The following SCAF8 variants were observed in gnomAD, a reference collection of about 807,000 sequenced individuals.
SCAF8 encodes SR-related and CTD-associated factor 8.
In SCAF8, 23 loss-of-function variants were observed where a neutral mutation model predicts 140.5. The ratio of observed to expected loss-of-function variants is 0.16; its 90% CI spans 0.12 to 0.23. SCAF8 has a LOEUF of 0.23. SCAF8 is among the 10% of genes least tolerant of loss of function. The pLI is 1.00. For missense variants in SCAF8, 1,397 were observed against 1,555.7 expected (o/e 0.90, Z 1.72); for synonymous variants, 575 against 528.9 (o/e 1.09, Z -1.20).
chr6:154,819,834 C>G (rs554211128), intron 14 of SCAF8, among the ~76,000 whole-genome samples: 5 of 152,114 alleles, frequency 3.3e-5, no homozygotes, highest in African/African-American at 9.6e-5. Context: ...CTAAAAAATA[C>G]AAAAATTAGT....
intron 15 of SCAF8, among the ~76,000 whole-genome samples, chr6:154,821,299 G>A (rs1373075788): frequency 6.7e-6 from 1 of 149,948 alleles, no homozygotes; most frequent in African/African-American, 2.4e-5. Flanking sequence ...TGTAAATAAA[G>A]TTTTATTGAA....
intron 15 of SCAF8, 121 bp from the exon 16 acceptor site, chr6:154,822,155 G>T: frequency 9.9e-7 from 1 of 1,006,490 alleles, no homozygotes. Flanking sequence ...TACGGTTGTG[G>T]ATATATCTTA....
intron 1 of SCAF8, among the ~76,000 whole-genome samples, chr6:154,734,796 A>C (rs1386291287): frequency 6.6e-6 from 1 of 152,232 alleles, no homozygotes; most frequent in Non-Finnish European, 1.5e-5. Flanking sequence ...ACATCTGCAC[A>C]GTCAGCATTA....
intron 1 of SCAF8, among the ~76,000 whole-genome samples, chr6:154,769,410 T>C (rs553062344): frequency 6.4e-4 from 98 of 152,340 alleles, no homozygotes; most frequent in African/African-American, 2.3e-3. Flanking sequence ...AAAGAAGTAA[T>C]GTGTTGTCAA....
intron 4 of SCAF8, among the ~76,000 whole-genome samples, chr6:154,790,726 G>A (rs1369592703): frequency 6.6e-6 from 1 of 151,756 alleles, no homozygotes; most frequent in African/African-American, 2.4e-5. Context: ...TAGCCAAGAT[G>A]GTCTCGATCT....
At chr6:154,819,247 G>T (rs550507703) in intron 14 of SCAF8, among the ~76,000 whole-genome samples, 2 of 151,970 alleles carry the variant, frequency 1.3e-5, no homozygotes, top group African/African-American at 4.8e-5. Context: ...TGAGTTTCTT[G>T]TGTAAACTAA....
intron 8 of SCAF8, 81 bp from the exon 9 acceptor site, chr6:154,805,278 ATTGACTTTTT>A: frequency 1.4e-6 from 1 of 694,544 alleles, no homozygotes; most frequent in Non-Finnish European, 2.5e-6. Flanking sequence ...GTTTTATTGA[ATTGACTTTTT>A]TGTTTTCTTT....
intron 12 of SCAF8, among the ~76,000 whole-genome samples, chr6:154,813,544 G>A (rs954014299): frequency 4.6e-5 from 7 of 152,078 alleles, no homozygotes; most frequent in African/African-American, 7.3e-5. Flanking sequence ...ATAAAGGGGC[G>A]GGGGGATCTT....
intron 9 of SCAF8, among the ~76,000 whole-genome samples, chr6:154,806,583 G>A (rs190470006): frequency 1.0e-3 from 159 of 152,278 alleles, no homozygotes; most frequent in African/African-American, 3.7e-3. Context: ...TAGAGGTACA[G>A]CTGAAGGATT....
intron 1 of SCAF8, among the ~76,000 whole-genome samples, chr6:154,755,525 C>T (rs1487323486): frequency 1.3e-5 from 2 of 151,976 alleles, no homozygotes; most frequent in Non-Finnish European, 2.9e-5. Flanking sequence ...TGCTGGGATG[C>T]CTGACCCAGA....
chr6:154,824,187 G>A lies in SCAF8; in HGVS notation c.1927-47G>A, dbSNP rs748484779. Reference sequence around the variant, plus strand: ...AATTTGCCTTTAGTTGTTCCAAGATGCAGGTGAATAAACTGATGAGTGAAC... The same window carrying A: ...AATTTGCCTTTAGTTGTTCCAAGATACAGGTGAATAAACTGATGAGTGAAC... On this transcript the variant is annotated intron_variant, in intron 16 of 19. Coordinates refer to ENST00000367178, the MANE Select transcript of SCAF8 (RefSeq NM_014892.5). 16 of 1,589,876 alleles carry A rather than the reference G, an allele frequency of 1.0e-5. No homozygotes were observed. The Admixed American group carries it at 2.8e-4, about 28-fold the overall frequency.
chr6:154,824,036 A>G (rs916126604), intron 16 of SCAF8, among the ~76,000 whole-genome samples, 198 bp from the exon 17 acceptor site: 2 of 152,148 alleles, frequency 1.3e-5, no homozygotes, highest in Non-Finnish European at 2.9e-5. Flanking sequence ...ATCTCCAAGT[A>G]AAAACTATCT....
Position 154,795,127 on chromosome 6 carries a change from T to C in SCAF8, c.594T>C (p.Pro198=). 6.2e-7 allele frequency: 1 copy of C among 1,601,834 alleles called. No individual in the cohort carries two copies. The change falls in exon 6 of 20, where the codon CCT becomes CCC. Residue 198 remains proline, a synonymous_variant. Coordinates refer to ENST00000367178, the MANE Select transcript of SCAF8 (RefSeq NM_014892.5). Reference sequence around the variant, plus strand: ...CTGTAGCTCAGATCTTGCAAAGTCCTCAAGGCCAGCAGGTGAGCGGTTTTT... The same window carrying C: ...CTGTAGCTCAGATCTTGCAAAGTCCCCAAGGCCAGCAGGTGAGCGGTTTTT... The part of the protein sequence containing the change: ...LAAVAQILQS[P]QGQQLQQLIQ...
chr6:154,831,242 C>A (rs1248987786), intron 19 of SCAF8, 102 bp downstream of exon 19: 7 of 679,222 alleles, frequency 1.0e-5, no homozygotes, highest in Admixed American at 9.4e-5. Flanking sequence ...TCTACAGATG[C>A]TGAAATGTCG....
At position 154,733,442 on chromosome 6, in the gene SCAF8, C is replaced by T. The variant is rs750968805; in HGVS notation, c.-459C>T. On this transcript the variant is annotated 5_prime_UTR_variant, in exon 1 of 20. Transcript: ENST00000367178. Reference sequence around the variant, plus strand: ...TATTGGATGCCGCAGCCGCTGCTGCCAGCGCTTCCTCCTCTGTCTTCGCCG... The same window carrying T: ...TATTGGATGCCGCAGCCGCTGCTGCTAGCGCTTCCTCCTCTGTCTTCGCCG... 7.9e-6 allele frequency: 11 copies of T among 1,396,016 alleles called. No individual in the cohort carries two copies. Among genetic ancestry groups the T allele is most frequent in the South Asian group, 6.0e-5 (4 of 66,398 alleles). The allele number at this position is 1,396,016 out of a possible 1,614,324, so 86.5% of individuals were successfully genotyped here.
In SCAF8 at chr6:154,815,815, A is replaced by G; in HGVS notation, c.1520A>G (p.Asn507Ser). Residue 507 changes from asparagine (N) to serine (S), a missense_variant and splice_region_variant, in exon 13 of 20, where the codon AAT becomes AGT. Transcript: ENST00000367178. ...GAGTTTGGACAGATTGAATCCATTA[A>G]TGCAAGTATCAGTTCTTAATAATTT... is the stretch of plus-strand genomic sequence containing the variant. ...FEEFGQIESI[N>S]MIPPRGCAYV... The G allele has an allele frequency of 6.3e-7, 1 of 1,583,166 alleles. No individual in the cohort carries two copies. Among genetic ancestry groups the G allele is most frequent in the Non-Finnish European group, 8.7e-7 (1 of 1,152,612 alleles).
intron 15 of SCAF8, among the ~76,000 whole-genome samples, chr6:154,821,109 T>C (rs1778410511): frequency 6.6e-6 from 1 of 152,174 alleles, no homozygotes; most frequent in African/African-American, 2.4e-5. Flanking sequence ...TTAATACATA[T>C]TTTAGTTTCT....
chr6:154,827,834 C>CCG lies in SCAF8; in HGVS notation c.2140+594_2140+595insCG, dbSNP rs1394368279. Among the ~76,000 whole-genome samples the CCG allele has an allele frequency of 3.7e-5, 3 of 81,308 alleles. No homozygotes were observed. In the South Asian group the frequency reaches 1.4e-3, roughly 39 times the overall value. 53.3% of individuals were successfully genotyped at this position (81,308 alleles called of 152,430 possible). ...GCCCCACACCTTTTTTGGGGCGGGG[C>CCG]GGGGGGGGGGGCGGTGTAAAACTTT... On this transcript the variant is annotated intron_variant, in intron 18 of 19. Transcript: ENST00000367178.
intron 1 of SCAF8, among the ~76,000 whole-genome samples, chr6:154,752,795 TGCA>T (rs1778870194): frequency 6.6e-6 from 1 of 152,160 alleles, no homozygotes; most frequent in African/African-American, 2.4e-5. Context: ...AGTCATGTCT[TGCA>T]GCATTCTCCG....
Sources: gnomAD v4.1 joint callset for allele counts (sites outside exome capture counted in the v4.1 genomes callset) on GRCh38, gnomAD v4.1.1 for gene constraint, MANE v1.5 for transcripts, NCBI Gene and HGNC (gene_info 2026-07-23, HGNC 2026-07-21) for gene names.